The following ROR1 variants were observed in gnomAD, a reference collection of about 807,000 sequenced individuals.
The protein encoded by ROR1 is ROR family WNT receptor 1, also known as inactive tyrosine-protein kinase transmembrane receptor ROR1.
ROR1 carries 19 observed loss-of-function variants against 78.8 expected under a neutral mutation model. The observed-to-expected ratio is 0.24, with a 90% CI of 0.17 to 0.35. ROR1 has a LOEUF of 0.35. Ranked by LOEUF, ROR1 falls within the 10% of genes least tolerant of loss-of-function variation. The pLI is 1.00. For missense variants in ROR1, 917 were observed against 1,177.8 expected (o/e 0.78, Z 3.24); for synonymous variants, 386 against 433.6 (o/e 0.89, Z 1.36).
At chr1:64,056,443 G>A (rs1332662423) in intron 4 of ROR1, among the ~76,000 whole-genome samples, 1 of 152,026 alleles carries the variant, frequency 6.6e-6, no homozygotes, top group Non-Finnish European at 1.5e-5. Context: ...GGGAGGCCAA[G>A]GCGGGTGGAT....
chr1:63,898,646 G>A (rs780885216), intron 1 of ROR1, among the ~76,000 whole-genome samples: 7 of 151,910 alleles, frequency 4.6e-5, no homozygotes, highest in Non-Finnish European at 5.9e-5. Flanking sequence ...AGGAAAGAAG[G>A]GGGTGAAAGA....
intron 4 of ROR1, among the ~76,000 whole-genome samples, chr1:64,110,456 C>T (rs559466674): frequency 1.3e-5 from 2 of 152,168 alleles, no homozygotes; most frequent in Non-Finnish European, 2.9e-5. Flanking sequence ...GAACATTGAA[C>T]CCTGAGGACA....
intron 1 of ROR1, among the ~76,000 whole-genome samples, chr1:63,964,654 C>T (rs1358577074): frequency 6.6e-6 from 1 of 152,206 alleles, no homozygotes; most frequent in Non-Finnish European, 1.5e-5. Flanking sequence ...GATTAATATG[C>T]CACTTTATCA....
At chr1:64,089,659 A>G (rs1227356705) in intron 4 of ROR1, among the ~76,000 whole-genome samples, 2 of 152,186 alleles carry the variant, frequency 1.3e-5, no homozygotes, top group East Asian at 1.9e-4. Flanking sequence ...CTCTGTGTCT[A>G]TATCTATACT....
chr1:64,013,019 C>T (rs1646490266), intron 2 of ROR1, among the ~76,000 whole-genome samples: 2 of 152,218 alleles, frequency 1.3e-5, no homozygotes, highest in Admixed American at 1.3e-4. Flanking sequence ...CTATGCGTTT[C>T]CTGTGTGACT....
At chr1:63,990,598 A>T (rs1434518270) in intron 1 of ROR1, among the ~76,000 whole-genome samples, 1 of 152,200 alleles carries the variant, frequency 6.6e-6, no homozygotes, top group Admixed American at 6.5e-5. Flanking sequence ...CTTTAAAAAC[A>T]AAAATCCCAA....
intron 4 of ROR1, among the ~76,000 whole-genome samples, chr1:64,078,567 C>A (rs61765388): frequency 0.15 from 22,258 of 151,976 alleles, 1,738 homozygotes; most frequent in Middle Eastern, 0.2. Flanking sequence ...GAGCCTATTC[C>A]TAGGGTAGGC....
chr1:63,833,777 T>A (rs1335541647), intron 1 of ROR1, among the ~76,000 whole-genome samples: 2 of 152,064 alleles, frequency 1.3e-5, no homozygotes, highest in African/African-American at 4.8e-5. Flanking sequence ...TCTGCTTGCC[T>A]GCTTGCGTTT....
rs539871995 is a variant in ROR1 at position 63,886,265 on chromosome 1, G to A, written c.91+111757G>A. ...CGCTCACCTCCTGCTGTGCAACCCC[G>A]TTCCTAACAGGCCATGGACTAGTAC... On this transcript the variant is annotated intron_variant, in intron 1 of 8. Coordinates refer to ENST00000371079, the MANE Select transcript of ROR1 (RefSeq NM_005012.4). Among the ~76,000 whole-genome samples the A allele has an allele frequency of 1.8e-4, 28 of 152,232 alleles. No homozygotes were observed. In the East Asian group the frequency reaches 3.7e-3, roughly 20 times the overall value.
At chr1:64,133,221 A>T (rs1198524758) in intron 4 of ROR1, among the ~76,000 whole-genome samples, 1 of 152,196 alleles carries the variant, frequency 6.6e-6, no homozygotes, top group African/African-American at 2.4e-5. Flanking sequence ...GGGTCAAGCC[A>T]TGTCCGCATC....
At chr1:63,940,317 G>C (rs1000493082) in intron 1 of ROR1, among the ~76,000 whole-genome samples, 6 of 152,138 alleles carry the variant, frequency 3.9e-5, no homozygotes, top group African/African-American at 7.2e-5. Flanking sequence ...GTGATGTCAA[G>C]AAGACAGAGA....
chr1:63,877,991 A>C (rs1237224248), intron 1 of ROR1, among the ~76,000 whole-genome samples: 1 of 152,146 alleles, frequency 6.6e-6, no homozygotes, highest in Non-Finnish European at 1.5e-5. Flanking sequence ...TGACCATAGA[A>C]ACATTCCTCC....
chr1:64,065,945 C>T (rs147071002), intron 4 of ROR1, among the ~76,000 whole-genome samples: 4 of 152,182 alleles, frequency 2.6e-5, no homozygotes, highest in African/African-American at 9.7e-5. Flanking sequence ...CTTGGCCTTG[C>T]TTAGTATGTA....
chr1:63,820,463 A>G (rs1461850086), intron 1 of ROR1, among the ~76,000 whole-genome samples: 1 of 152,114 alleles, frequency 6.6e-6, no homozygotes, highest in Non-Finnish European at 1.5e-5. Flanking sequence ...GACTGTTGGG[A>G]GATTAGGAGA....
At chr1:64,069,621 C>T (rs1202301658) in intron 4 of ROR1, among the ~76,000 whole-genome samples, 2 of 152,006 alleles carry the variant, frequency 1.3e-5, no homozygotes, top group Non-Finnish European at 2.9e-5. Flanking sequence ...CACGAAGTTG[C>T]AAAGTAAAAT....
intron 1 of ROR1, among the ~76,000 whole-genome samples, chr1:63,837,632 C>G (rs1364141894): frequency 6.6e-6 from 1 of 152,070 alleles, no homozygotes; most frequent in African/African-American, 2.4e-5. Flanking sequence ...ACCAGCTTGG[C>G]CAACATAGTG....
rs1242016930 is a variant in ROR1 at position 63,774,485 on chromosome 1, C to G, written c.68C>G (p.Ala23Gly). The G allele has an allele frequency of 1.7e-6, 2 of 1,151,686 alleles. No homozygotes were observed. The highest frequency in any genetic ancestry group is 2.1e-6 in the Non-Finnish European group (2 of 941,128). The allele number at this position is 1,151,686 out of a possible 1,614,324, so 71.3% of individuals were successfully genotyped here. A position where few individuals can be genotyped will look rare whatever the true frequency, so the allele number is the denominator to read the frequency against. ...LLALLAALLL[A>G]ARGAAAQETE... ...GCGCTGCTGGCCGCGCTGCTGCTGG[C>G]CGCACGCGGGGCTGCTGCCCAAGGT... is the stretch of plus-strand genomic sequence containing the variant. Residue 23 changes from alanine (A) to glycine (G), a missense_variant, in exon 1 of 9, where the codon GCC (alanine) becomes GGC (glycine). Ala to Gly is a moderately conservative substitution (Grantham distance 60, BLOSUM62 0). This residue lies in a region of ROR1 where 63 missense variants were observed against 57.0 expected (regional missense o/e 1.10). Coordinates refer to ENST00000371079, the MANE Select transcript of ROR1 (RefSeq NM_005012.4). The surrounding 1 kb of genome is among the most constrained non-coding windows in gnomAD (Gnocchi z 5.7).
chr1:63,961,193 A>G (rs547076525), intron 1 of ROR1, among the ~76,000 whole-genome samples: 2 of 152,080 alleles, frequency 1.3e-5, no homozygotes, highest in East Asian at 3.9e-4. Context: ...AACAACAAAT[A>G]CTGGCAAGGA....
chr1:63,968,208 T>C (rs1181981698), intron 1 of ROR1, among the ~76,000 whole-genome samples: 1 of 152,146 alleles, frequency 6.6e-6, no homozygotes, highest in Non-Finnish European at 1.5e-5. Context: ...TAACGATTTA[T>C]GGATAAAGTG....
Sources: gnomAD v4.1 joint callset for allele counts (sites outside exome capture counted in the v4.1 genomes callset) on GRCh38, gnomAD v4.1.1 for gene constraint, gnomAD v4.1.1 regional missense constraint, Gnocchi (gnomAD v3.1) non-coding constraint, MANE v1.5 for transcripts, NCBI Gene and HGNC (gene_info 2026-07-23, HGNC 2026-07-21) for gene names.